Variants in PCMT1 observed in about 807,000 individuals in gnomAD.
PCMT1 encodes protein-L-isoaspartate (D-aspartate) O-methyltransferase, also known as protein-L-isoaspartate(D-aspartate) O-methyltransferase.
PCMT1 carries 9 observed loss-of-function variants against 29.2 expected under a neutral mutation model. That is an observed-to-expected ratio of 0.31 (90% confidence interval 0.19 to 0.54). PCMT1 has a LOEUF of 0.54. PCMT1 is among the 20% of genes least tolerant of loss of function. The pLI is 0.95. For missense variants in PCMT1, 184 were observed against 282.2 expected (o/e 0.65, Z 2.49); for synonymous variants, 98 against 97.5 (o/e 1.00, Z -0.03).
At chr6:149,803,918 T>C (rs1775930237) in intron 7 of PCMT1, among the ~76,000 whole-genome samples, 1 of 150,912 alleles carries the variant, frequency 6.6e-6, no homozygotes, top group South Asian at 2.1e-4. Context: ...CTGTCTCTAC[T>C]AAAAACACAA....
At chr6:149,772,314 T>C (rs1192477168) in intron 2 of PCMT1, 3 of 329,326 alleles carry the variant, frequency 9.1e-6, no homozygotes, top group Non-Finnish European at 1.8e-5. Context: ...ACGAAAAGAT[T>C]GTGTGAATTA....
chr6:149,787,740 G>C (rs1788181914), intron 3 of PCMT1, among the ~76,000 whole-genome samples: 1 of 151,862 alleles, frequency 6.6e-6, no homozygotes, highest in Non-Finnish European at 1.5e-5. Context: ...GTGTACTTTT[G>C]TCCACACAGT....
intron 6 of PCMT1, 99 bp downstream of exon 6, chr6:149,796,599 G>T: frequency 1.3e-6 from 1 of 769,470 alleles, no homozygotes; most frequent in Non-Finnish European, 2.1e-6. Context: ...AATATAATTA[G>T]ACTTTTATAT....
intron 5 of PCMT1, chr6:149,795,209 A>G: frequency 2.7e-6 from 1 of 367,798 alleles, no homozygotes; most frequent in Admixed American, 3.5e-5. Flanking sequence ...AAAAAAAAAG[A>G]AATGTTAACT....
rs185719393 is a variant in PCMT1 at position 149,772,305 on chromosome 6, C to T, written c.161-833C>T. The stretch of plus-strand genomic sequence containing the variant: ...AAAAGAAACTAAAAGTTAAGAACCA[C>T]GAAAAGATTGTGTGAATTAACATTA... On this transcript the variant is annotated intron_variant, in intron 2 of 7. Coordinates refer to ENST00000464889, the MANE Select transcript of PCMT1 (RefSeq NM_001360452.2). 2.0e-4 allele frequency: 64 copies of T among 323,796 alleles called. No individual in the cohort carries two copies. In the East Asian group the frequency reaches 3.6e-3, roughly 18 times the overall value. 20.1% of individuals were successfully genotyped at this position (323,796 alleles called of 1,614,324 possible).
At chr6:149,805,510 C>T (rs1485910454) in intron 7 of PCMT1, among the ~76,000 whole-genome samples, 17 of 151,844 alleles carry the variant, frequency 1.1e-4, no homozygotes, top group Non-Finnish European at 8.8e-5. Context: ...AGGAGAATGG[C>T]GTGAACCTGG....
At chr6:149,771,915 G>A (rs1467125412) in intron 2 of PCMT1, 2 of 451,742 alleles carry the variant, frequency 4.4e-6, no homozygotes, top group Admixed American at 2.4e-5. Flanking sequence ...TTCAGGTTAG[G>A]ATTAATTTTT....
At chr6:149,805,024 T>C (rs1233334442) in intron 7 of PCMT1, among the ~76,000 whole-genome samples, 1 of 152,060 alleles carries the variant, frequency 6.6e-6, no homozygotes, top group Non-Finnish European at 1.5e-5. Context: ...GGAGGATCAC[T>C]TGAGGCCAGA....
intron 2 of PCMT1, chr6:149,772,306 G>A (rs919109221): frequency 3.1e-6 from 1 of 326,056 alleles, no homozygotes; most frequent in East Asian, 8.2e-5. Context: ...TAAGAACCAC[G>A]AAAAGATTGT....
At position 149,792,872 on chromosome 6, in the gene PCMT1, G is replaced by C. The variant is rs566212265; in HGVS notation, c.298-677G>C. On this transcript the variant is annotated intron_variant, in intron 4 of 7. Coordinates refer to ENST00000464889, the MANE Select transcript of PCMT1 (RefSeq NM_001360452.2). ...CAAGTGTAGAAATTCCTTCCCATCA[G>C]GCGGGAGGCAGGGTGTGTGGTGGCT... Among the ~76,000 whole-genome samples, 16 of 152,196 alleles carry C rather than the reference G, an allele frequency of 1.1e-4. No homozygotes were observed. The South Asian group carries it at 2.1e-3, about 20-fold the overall frequency.
intron 6 of PCMT1, among the ~76,000 whole-genome samples, chr6:149,801,113 A>G (rs1775814902): frequency 6.6e-6 from 1 of 152,158 alleles, no homozygotes; most frequent in Non-Finnish European, 1.5e-5. Context: ...AATATTTGGG[A>G]CCAGAAGTGT....
Position 149,749,972 on chromosome 6 carries a change from GCC to G in PCMT1, c.55+18_55+19del, listed in dbSNP as rs768754071. The G allele has an allele frequency of 5.6e-6, 9 of 1,604,238 alleles. No homozygotes were observed. In the East Asian group the frequency reaches 2.0e-4, roughly 36 times the overall value. On this transcript the variant is annotated intron_variant, in intron 1 of 7. Transcript: ENST00000464889. ...AATCTCCGCAGTAAGTGCCACCTCC[GCC>G]CGTTGTAGGGCAGCTGGGGCAGGCT... is the stretch of plus-strand genomic sequence containing the variant.
intron 7 of PCMT1, among the ~76,000 whole-genome samples, chr6:149,809,673 A>G (rs1776110521): frequency 6.6e-6 from 1 of 152,030 alleles, no homozygotes; most frequent in Non-Finnish European, 1.5e-5. Flanking sequence ...CAACTTTTTC[A>G]AAACTTTTAA....
chr6:149,795,559 A>T, intron 5 of PCMT1: 1 of 503,890 alleles, frequency 2.0e-6, no homozygotes, highest in Admixed American at 2.7e-5. Flanking sequence ...GGCCGAGAAC[A>T]CAACTTTACA....
At chr6:149,779,177 C>T (rs2115274284) in intron 3 of PCMT1, among the ~76,000 whole-genome samples, 1 of 152,240 alleles carries the variant, frequency 6.6e-6, no homozygotes, top group Middle Eastern at 3.4e-3. Context: ...TTGCTTCCCT[C>T]CCTAGCTCGG....
intron 4 of PCMT1, among the ~76,000 whole-genome samples, chr6:149,793,031 C>T (rs1354038454): frequency 1.3e-5 from 2 of 151,764 alleles, no homozygotes; most frequent in East Asian, 1.9e-4. Flanking sequence ...GGCATGGTGG[C>T]GGGGGCCTGT....
chr6:149,782,357 A>G (rs976420276), intron 3 of PCMT1, among the ~76,000 whole-genome samples: 1 of 152,194 alleles, frequency 6.6e-6, no homozygotes, highest in African/African-American at 2.4e-5. Context: ...ATCTACATCT[A>G]ATGAACCTTA....
At chr6:149,795,933 G>A (rs1161205114) in intron 5 of PCMT1, among the ~76,000 whole-genome samples, 1 of 152,126 alleles carries the variant, frequency 6.6e-6, no homozygotes, top group African/African-American at 2.4e-5. Context: ...GCTTTAGAGT[G>A]AGTCACGTGC....
At chr6:149,792,206 T>A (rs979099995) in intron 4 of PCMT1, among the ~76,000 whole-genome samples, 2 of 151,968 alleles carry the variant, frequency 1.3e-5, no homozygotes, top group Non-Finnish European at 2.9e-5. Flanking sequence ...TCCCAGCTAT[T>A]TGGGAGGCTG....
Sources: gnomAD v4.1 joint callset for allele counts (sites outside exome capture counted in the v4.1 genomes callset) on GRCh38, gnomAD v4.1.1 for gene constraint, MANE v1.5 for transcripts, NCBI Gene and HGNC (gene_info 2026-07-23, HGNC 2026-07-21) for gene names.